The following SPOCK3 variants were observed in gnomAD, a reference collection of about 807,000 sequenced individuals.
SPOCK3 encodes the protein SPARC (osteonectin), cwcv and kazal like domains proteoglycan 3.
A neutral mutation model predicts 56.6 loss-of-function variants in SPOCK3; 30 were observed. The observed-to-expected ratio is 0.53, with a 90% confidence interval of 0.40 to 0.72. The LOEUF (loss-of-function observed/expected upper bound fraction) is 0.72, where lower values mean the gene tolerates loss of function less well. Among genes scored for constraint, SPOCK3 ranks in the 30% least tolerant of loss-of-function variants. The pLI is 0.00. For synonymous variants in SPOCK3, 196 were observed against 183.3 expected, an observed-to-expected ratio of 1.07 and a Z score of -0.56; for missense variants, 527 against 530.0, an observed-to-expected ratio of 0.99 and a Z score of 0.06.
chr4:167,232,743 A>C (rs374976245), intron 2 of SPOCK3, among the ~76,000 whole-genome samples: 1 of 152,318 alleles, frequency 6.6e-6, no homozygotes, highest in East Asian at 1.9e-4. Context: ...GTTCTCCATT[A>C]AATATTCTCA....
chr4:166,852,405 G>A (rs1730221679), intron 6 of SPOCK3, among the ~76,000 whole-genome samples: 1 of 152,034 alleles, frequency 6.6e-6, no homozygotes, highest in Admixed American at 6.6e-5. Context: ...AGGATAGGAG[G>A]TCAGACAGGA....
chr4:167,219,025 C>T (rs1212287783), intron 2 of SPOCK3, among the ~76,000 whole-genome samples: 1 of 152,022 alleles, frequency 6.6e-6, no homozygotes, highest in Admixed American at 6.6e-5. Context: ...TATAACATCT[C>T]AACTCCAAAA....
intron 2 of SPOCK3, among the ~76,000 whole-genome samples, chr4:167,185,295 T>A (rs6553593): frequency 0.28 from 42,516 of 152,082 alleles, 6,814 homozygotes; most frequent in African/African-American, 0.45. Flanking sequence ...CCAGTTGACA[T>A]TATGTCACGC....
At chr4:167,169,441 T>C (rs1294787667) in intron 2 of SPOCK3, among the ~76,000 whole-genome samples, 1 of 152,194 alleles carries the variant, frequency 6.6e-6, no homozygotes, top group Non-Finnish European at 1.5e-5. Context: ...TTTGGAGCTT[T>C]AAGAATCGAC....
chr4:166,861,333 T>A (rs1349251814), intron 6 of SPOCK3, among the ~76,000 whole-genome samples: 1 of 152,078 alleles, frequency 6.6e-6, no homozygotes, highest in African/African-American at 2.4e-5. Flanking sequence ...TCTCTCTCTC[T>A]CTTTTTTTCT....
chr4:167,108,407 G>C (rs576148785), intron 2 of SPOCK3, among the ~76,000 whole-genome samples: 1 of 151,920 alleles, frequency 6.6e-6, no homozygotes, highest in South Asian at 2.1e-4. Context: ...AGCAATCTAA[G>C]TGTACATCAA....
intron 9 of SPOCK3, 68 bp from the exon 10 acceptor site, chr4:166,737,672 G>C: frequency 1.3e-6 from 2 of 1,499,354 alleles, no homozygotes; most frequent in Non-Finnish European, 1.8e-6. Context: ...GCTCCTTTCT[G>C]AGAAGCACCC....
intron 3 of SPOCK3, among the ~76,000 whole-genome samples, chr4:167,037,411 G>T (rs1212248117): frequency 1.3e-5 from 2 of 151,892 alleles, no homozygotes; most frequent in Non-Finnish European, 2.9e-5. Flanking sequence ...GAACCCTGGG[G>T]GCGGAGGTTG....
intron 4 of SPOCK3, among the ~76,000 whole-genome samples, chr4:166,940,327 C>T (rs940532214): frequency 6.6e-6 from 1 of 152,106 alleles, no homozygotes; most frequent in African/African-American, 2.4e-5. Flanking sequence ...TGAGTTTCAG[C>T]CACTACAGCC....
chr4:166,829,695 C>T (rs1745836613), intron 6 of SPOCK3, among the ~76,000 whole-genome samples: 1 of 151,948 alleles, frequency 6.6e-6, no homozygotes. Flanking sequence ...ACAAACAGGA[C>T]TTATTGACTG....
chr4:166,804,670 T>C (rs1742968099), intron 6 of SPOCK3, among the ~76,000 whole-genome samples: 1 of 152,162 alleles, frequency 6.6e-6, no homozygotes, highest in Non-Finnish European at 1.5e-5. Flanking sequence ...AAATATTACA[T>C]TTCCTTGACA....
chr4:166,748,580 A>G (rs77702043), intron 8 of SPOCK3, among the ~76,000 whole-genome samples: 36,953 of 135,556 alleles, frequency 0.27, 9,806 homozygotes, highest in South Asian at 0.36. Flanking sequence ...GCATGGGCAA[A>G]GACTTCATGT....
intron 2 of SPOCK3, among the ~76,000 whole-genome samples, chr4:167,088,857 T>C (rs377635376): frequency 6.6e-6 from 1 of 152,314 alleles, no homozygotes; most frequent in East Asian, 1.9e-4. Flanking sequence ...TGATGAATCC[T>C]ACCTTGTAAT....
intron 2 of SPOCK3, among the ~76,000 whole-genome samples, chr4:167,126,335 G>C (rs540645071): frequency 1.3e-5 from 2 of 151,924 alleles, no homozygotes; most frequent in Non-Finnish European, 2.9e-5. Flanking sequence ...ATCACCTGAG[G>C]TCAGGAGTTC....
chr4:166,871,752 T>C (rs1732503388), intron 6 of SPOCK3, among the ~76,000 whole-genome samples: 1 of 151,284 alleles, frequency 6.6e-6, no homozygotes, highest in African/African-American at 2.4e-5. Context: ...ACAAGAAAAT[T>C]ACAAACTAAA....
intron 2 of SPOCK3, among the ~76,000 whole-genome samples, chr4:167,087,125 C>T (rs1476599754): frequency 6.6e-6 from 1 of 152,098 alleles, no homozygotes; most frequent in Non-Finnish European, 1.5e-5. Context: ...AATGCTTACT[C>T]TGTACCAGGC....
chr4:166,911,170 T>C (rs1183696298), intron 5 of SPOCK3, among the ~76,000 whole-genome samples: 1 of 152,210 alleles, frequency 6.6e-6, no homozygotes, highest in Non-Finnish European at 1.5e-5. Flanking sequence ...ACTCCGCTTC[T>C]ATATACATCT....
chr4:166,744,384 C>T (rs1217078509), intron 8 of SPOCK3, among the ~76,000 whole-genome samples: 4 of 152,154 alleles, frequency 2.6e-5, no homozygotes, highest in Non-Finnish European at 5.9e-5. Context: ...AAACCTGCCT[C>T]TGAGGGTCCT....
At chr4:167,005,553 C>T (rs1008889634) in intron 3 of SPOCK3, among the ~76,000 whole-genome samples, 7 of 151,118 alleles carry the variant, frequency 4.6e-5, no homozygotes, top group Non-Finnish European at 8.8e-5. Context: ...TCTTGCCCAT[C>T]GCCTTAATAT....
Sources: allele counts gnomAD v4.1 joint callset (sites outside exome capture counted in the v4.1 genomes callset), GRCh38; gene constraint gnomAD v4.1.1; transcripts MANE v1.5; gene names NCBI Gene and HGNC (gene_info 2026-07-23, HGNC 2026-07-21).